PDE6D: variants seen among roughly 807,000 people sequenced by gnomAD.
PDE6D encodes phosphodiesterase 6D, also known as retinal rod rhodopsin-sensitive cGMP 3',5'-cyclic phosphodiesterase subunit delta.
PDE6D carries 10 observed loss-of-function variants against 21.9 expected under a neutral mutation model. The ratio of observed to expected loss-of-function variants is 0.46; its 90% CI spans 0.28 to 0.78. The LOEUF (loss-of-function observed/expected upper bound fraction) is 0.78, where lower values mean the gene tolerates loss of function less well. Ranked by LOEUF, PDE6D falls within the 30% of genes least tolerant of loss-of-function variation. PDE6D has a pLI of 0.12. For missense variants in PDE6D, 139 were observed against 184.8 expected (o/e 0.75, Z 1.44); for synonymous variants, 59 against 63.5 (o/e 0.93, Z 0.34).
intron 1 of PDE6D, among the ~76,000 whole-genome samples, chr2:231,749,544 A>AT (rs1428577331): frequency 3.0e-5 from 2 of 66,952 alleles, no homozygotes; most frequent in Non-Finnish European, 6.2e-5. Flanking sequence ...ACTCTGTTTT[A>AT]TTTTTTTTGA....
intron 1 of PDE6D, among the ~76,000 whole-genome samples, chr2:231,758,208 C>T (rs2106276670): frequency 6.6e-6 from 1 of 152,242 alleles, no homozygotes; most frequent in Middle Eastern, 3.4e-3. Flanking sequence ...CAGTGGTGCA[C>T]ATGGCTTACT....
At chr2:231,754,380 G>A (rs1167373640) in intron 1 of PDE6D, among the ~76,000 whole-genome samples, 10 of 140,782 alleles carry the variant, frequency 7.1e-5, no homozygotes, top group African/African-American at 2.7e-4. Flanking sequence ...TTTTTGAGAC[G>A]GAGTCTCCCT....
chr2:231,735,381 C>T (rs919361321), intron 4 of PDE6D, among the ~76,000 whole-genome samples: 1 of 148,372 alleles, frequency 6.7e-6, no homozygotes, highest in Non-Finnish European at 1.5e-5. Flanking sequence ...CTCACTGCAA[C>T]CTCCGGCACC....
At chr2:231,744,519 C>T (rs1416708290) in intron 1 of PDE6D, among the ~76,000 whole-genome samples, 3 of 151,880 alleles carry the variant, frequency 2.0e-5, no homozygotes, top group East Asian at 1.9e-4. Context: ...CCACAACCTC[C>T]GCCTCCCGGG....
chr2:231,757,490 G>GT (rs1483331490), intron 1 of PDE6D, among the ~76,000 whole-genome samples: 1 of 152,052 alleles, frequency 6.6e-6, no homozygotes, highest in East Asian at 1.9e-4. Flanking sequence ...TAGAGACAGG[G>GT]TTTCACCATG....
chr2:231,743,633 T>C (rs1026999605), intron 1 of PDE6D, among the ~76,000 whole-genome samples: 2 of 152,046 alleles, frequency 1.3e-5, no homozygotes, highest in Admixed American at 1.3e-4. Flanking sequence ...ACTCTCCTTC[T>C]ATGCTCAATA....
At chr2:231,749,258 G>C (rs561729270) in intron 1 of PDE6D, among the ~76,000 whole-genome samples, 2 of 152,288 alleles carry the variant, frequency 1.3e-5, no homozygotes, top group Admixed American at 6.5e-5. Flanking sequence ...ACCGTGACCT[G>C]TTTGTGAGAC....
At chr2:231,767,856 C>G (rs1457734612) in intron 1 of PDE6D, among the ~76,000 whole-genome samples, 1 of 122,374 alleles carries the variant, frequency 8.2e-6, no homozygotes. Context: ...TTTTTTTTTT[C>G]CAGACAAGTT....
At chr2:231,762,330 G>A (rs1199301063) in intron 1 of PDE6D, among the ~76,000 whole-genome samples, 1 of 144,096 alleles carries the variant, frequency 6.9e-6, no homozygotes, top group Non-Finnish European at 1.5e-5. Context: ...GTGGATTCAA[G>A]GACTAACGCT....
intron 4 of PDE6D, among the ~76,000 whole-genome samples, chr2:231,733,719 G>A (rs904735464): frequency 1.3e-5 from 2 of 152,092 alleles, no homozygotes; most frequent in Non-Finnish European, 2.9e-5. Flanking sequence ...TAGTCTTTCA[G>A]CTCTTGTATT....
intron 1 of PDE6D, among the ~76,000 whole-genome samples, chr2:231,761,513 A>G (rs1247549985): frequency 1.3e-5 from 2 of 152,220 alleles, no homozygotes; most frequent in East Asian, 1.9e-4. Context: ...TTCATTATCA[A>G]TGCAGACAGA....
chr2:231,737,733 C>G (rs1211629891), intron 3 of PDE6D: 1 of 383,606 alleles, frequency 2.6e-6, no homozygotes, highest in East Asian at 4.7e-5. Flanking sequence ...CTGCTCATAG[C>G]AGCTTCCTCC....
Position 231,781,095 on chromosome 2 carries a change from C to T in PDE6D, c.20G>A (p.Arg7Gln), listed in dbSNP as rs749817811. 6 of 1,613,530 alleles carry T rather than the reference C, an allele frequency of 3.7e-6. No individual in the cohort carries two copies. Among genetic ancestry groups the T allele is most frequent in the South Asian group, 1.1e-5 (1 of 91,070 alleles). ...GAAGCCCCTCAGGATCTCCCTGGCC[C>T]GCTCGTCCTTGGCTGACATGATGCG... MSAKDE[R>Q]AREILRGFKL... Residue 7 changes from arginine to glutamine, a missense_variant, in exon 1 of 5, where the codon CGG becomes CAG. By Grantham distance (43) the Arg-to-Gln change is conservative. Transcript: ENST00000287600.
At chr2:231,779,895 G>A (rs957684284) in intron 1 of PDE6D, among the ~76,000 whole-genome samples, 2 of 152,174 alleles carry the variant, frequency 1.3e-5, no homozygotes, top group Non-Finnish European at 2.9e-5. Context: ...AGCGTGACAT[G>A]GACATTGTGA....
At chr2:231,733,934 C>T (rs1330142965) in intron 4 of PDE6D, among the ~76,000 whole-genome samples, 4 of 151,954 alleles carry the variant, frequency 2.6e-5, no homozygotes, top group Admixed American at 6.6e-5. Context: ...GTTAAGTAGC[C>T]GGGCACGGTG....
intron 2 of PDE6D, among the ~76,000 whole-genome samples, chr2:231,738,686 C>T (rs1000300564): frequency 2.0e-5 from 3 of 151,928 alleles, no homozygotes; most frequent in African/African-American, 4.8e-5. Context: ...GAGGCTGAGG[C>T]GGGCAGATCA....
intron 1 of PDE6D, among the ~76,000 whole-genome samples, chr2:231,741,505 C>G (rs980431826): frequency 6.6e-6 from 1 of 152,110 alleles, no homozygotes; most frequent in Non-Finnish European, 1.5e-5. Flanking sequence ...AGGAAGATCC[C>G]AAGACAATAG....
rs1559309674 is a variant in PDE6D, at chr2:231,739,161, C to G, written c.78G>C (p.Glu26Asp). ...KLNWMNLRDA[E>D]TGKILWQGTE... ...TTCCTTGCCAGAGTATCTTCCCTGT[C>G]TCAGCATCCCGAAGGTTCATCCAAT... The change falls in exon 2 of 5, where the codon GAG (glutamate) becomes GAC (aspartate). Residue 26 changes from glutamate (E) to aspartate (D), a missense_variant. Glu to Asp is a conservative substitution (Grantham distance 45). Coordinates refer to ENST00000287600, the MANE Select transcript of PDE6D (RefSeq NM_002601.4). This position sits in a 1 kb window ranked among gnomAD's most constrained non-coding sequence, Gnocchi z 4.2. 3 of 1,612,724 alleles carry G rather than the reference C, an allele frequency of 1.9e-6. No individual in the cohort carries two copies. Among genetic ancestry groups the G allele is most frequent in the Non-Finnish European group, 2.5e-6 (3 of 1,178,752 alleles).
At chr2:231,759,451 C>T (rs113690174) in intron 1 of PDE6D, among the ~76,000 whole-genome samples, 7 of 151,980 alleles carry the variant, frequency 4.6e-5, no homozygotes, top group African/African-American at 1.2e-4. Flanking sequence ...GCTTATTATT[C>T]GTGTGTACAA....
Sources: allele counts gnomAD v4.1 joint callset (sites outside exome capture counted in the v4.1 genomes callset), GRCh38; gene constraint gnomAD v4.1.1; non-coding constraint Gnocchi (gnomAD v3.1); transcripts MANE v1.5; gene names NCBI Gene and HGNC (gene_info 2026-07-23, HGNC 2026-07-21).